Variants in EIF4G3 observed in about 807,000 individuals in gnomAD.
EIF4G3 encodes the protein eukaryotic translation initiation factor 4 gamma 3.
EIF4G3 carries 34 observed loss-of-function variants against 186.4 expected under a neutral mutation model. The observed-to-expected ratio is 0.18, with a 90% CI of 0.14 to 0.24. The LOEUF (loss-of-function observed/expected upper bound fraction) is 0.24. Ranked by LOEUF, EIF4G3 falls within the 10% of genes least tolerant of loss-of-function variation. EIF4G3 has a pLI of 1.00. For missense variants in EIF4G3, 1,536 were observed against 1,948.5 expected, an observed-to-expected ratio of 0.79 and a Z score of 3.99; for synonymous variants, 673 against 679.5, an observed-to-expected ratio of 0.99 and a Z score of 0.15.
At chr1:20,857,660 C>T (rs527759533) in intron 24 of EIF4G3, among the ~76,000 whole-genome samples, 163 bp from the exon 25 acceptor site, 3 of 152,002 alleles carry the variant, frequency 2.0e-5, no homozygotes, top group Non-Finnish European at 4.4e-5. Flanking sequence ...TAAGCAGAAG[C>T]ACCCTGTATC....
At chr1:20,848,371 GA>G (rs895653734) in intron 29 of EIF4G3, among the ~76,000 whole-genome samples, 5 of 152,206 alleles carry the variant, frequency 3.3e-5, no homozygotes, top group African/African-American at 1.2e-4. Flanking sequence ...TGTTTTAACA[GA>G]TTAGCCTTTC....
At chr1:21,094,192 T>C (rs1452437732) in intron 2 of EIF4G3, among the ~76,000 whole-genome samples, 1 of 151,978 alleles carries the variant, frequency 6.6e-6, no homozygotes, top group African/African-American at 2.4e-5. Context: ...AGTTCAACCA[T>C]TGTGGAAGAC....
chr1:21,155,053 A>G (rs866043757), intron 2 of EIF4G3, among the ~76,000 whole-genome samples: 1 of 152,096 alleles, frequency 6.6e-6, no homozygotes, highest in Non-Finnish European at 1.5e-5. Flanking sequence ...ACTTGAGGTC[A>G]GGAGTTCAAG....
chr1:20,927,453 T>C (rs2094989588), intron 14 of EIF4G3, among the ~76,000 whole-genome samples: 1 of 152,228 alleles, frequency 6.6e-6, no homozygotes, highest in African/African-American at 2.4e-5. Flanking sequence ...AGCAATATTT[T>C]CTCTGAAAGA....
intron 7 of EIF4G3, among the ~76,000 whole-genome samples, chr1:20,984,592 A>T (rs1197120436): frequency 3.2e-4 from 38 of 118,172 alleles, no homozygotes; most frequent in African/African-American, 4.7e-4. Flanking sequence ...ACATATATAC[A>T]CTTTTTTTTT....
At chr1:20,938,988 T>C (rs1308982791) in intron 14 of EIF4G3, among the ~76,000 whole-genome samples, 1 of 151,780 alleles carries the variant, frequency 6.6e-6, no homozygotes, top group African/African-American at 2.4e-5. Context: ...ACGCCTATAA[T>C]CCCAGCTACT....
At chr1:21,175,179 T>C (rs764715097) in intron 2 of EIF4G3, 8 of 152,190 alleles carry the variant, frequency 5.3e-5, no homozygotes, top group South Asian at 2.1e-4. Context: ...AGGTGATGCA[T>C]GATGAAATGT....
intron 2 of EIF4G3, among the ~76,000 whole-genome samples, chr1:21,125,582 G>C (rs2097016903): frequency 6.6e-6 from 1 of 151,956 alleles, no homozygotes; most frequent in Admixed American, 6.6e-5. Flanking sequence ...AGCCAGGCAT[G>C]GTGGCGGGTG....
chr1:21,049,305 G>A (rs768809925), intron 4 of EIF4G3, among the ~76,000 whole-genome samples: 5 of 152,174 alleles, frequency 3.3e-5, no homozygotes, highest in Non-Finnish European at 5.9e-5. Flanking sequence ...CTCCCTATCT[G>A]AGCCTCTACT....
At chr1:20,961,413 C>T (rs544026243) in intron 12 of EIF4G3, among the ~76,000 whole-genome samples, 7 of 152,134 alleles carry the variant, frequency 4.6e-5, no homozygotes, top group East Asian at 3.9e-4. Context: ...TTTATTACTG[C>T]GTAACAGATG....
chr1:20,876,305 GAGAGAGAT>G (rs1052454027), intron 20 of EIF4G3, among the ~76,000 whole-genome samples: 2 of 149,362 alleles, frequency 1.3e-5, no homozygotes, highest in African/African-American at 4.9e-5. Context: ...ACATATGAGA[GAGAGAGAT>G]AGAGAGAGAA....
chr1:21,019,643 G>A (rs1346922257), intron 4 of EIF4G3, among the ~76,000 whole-genome samples: 1 of 152,204 alleles, frequency 6.6e-6, no homozygotes. Context: ...AACATGCCAT[G>A]GGAGGCCAAG....
Position 20,981,188 on chromosome 1 carries a change from T to C in EIF4G3, c.238A>G (p.Ile80Val). 1 of 1,612,952 alleles carries C rather than the reference T, an allele frequency of 6.2e-7. No individual in the cohort carries two copies. The highest frequency in any genetic ancestry group is 8.5e-7 in the Non-Finnish European group (1 of 1,179,664). Reference protein sequence around the residue: ...RPQIQPPRATIPNSSPSIRPG... With the variant: ...RPQIQPPRATVPNSSPSIRPG... ...CGAATGGAAGGACTGCTGTTCGGGA[T>C]GGTAGCTCTAGGAGGCTGTATTTGA... is the stretch of plus-strand genomic sequence containing the variant. Residue 80 changes from isoleucine (I) to valine (V), a missense_variant, in exon 9 of 37, where the codon ATC becomes GTC. Transcript: ENST00000602326.
chr1:21,144,112 G>A (rs2097393288), intron 2 of EIF4G3, among the ~76,000 whole-genome samples: 1 of 152,056 alleles, frequency 6.6e-6, no homozygotes, highest in Admixed American at 6.6e-5. Context: ...TTTTTTTGGT[G>A]CAAGCAATGT....
chr1:21,080,318 CA>C (rs551685633), intron 3 of EIF4G3, among the ~76,000 whole-genome samples: 9 of 136,062 alleles, frequency 6.6e-5, no homozygotes, highest in South Asian at 2.3e-4. Context: ...ACTGTCTCAA[CA>C]AAAAAAAAAG....
chr1:20,890,904 A>C (rs904573647), intron 18 of EIF4G3, among the ~76,000 whole-genome samples: 1 of 152,244 alleles, frequency 6.6e-6, no homozygotes. Flanking sequence ...TTAAGGCTTA[A>C]CATATCAACA....
At chr1:21,148,802 A>G (rs1036730932) in intron 2 of EIF4G3, among the ~76,000 whole-genome samples, 1 of 151,952 alleles carries the variant, frequency 6.6e-6, no homozygotes, top group Non-Finnish European at 1.5e-5. Flanking sequence ...AGCCTAGGAA[A>G]CACAGCAAGA....
At chr1:21,007,852 G>A (rs2085728599) in intron 4 of EIF4G3, among the ~76,000 whole-genome samples, 1 of 152,110 alleles carries the variant, frequency 6.6e-6, no homozygotes, top group Admixed American at 6.5e-5. Context: ...GTTATAAAGA[G>A]TGTACAGGAT....
intron 14 of EIF4G3, among the ~76,000 whole-genome samples, chr1:20,919,286 G>A (rs2094258886): frequency 6.6e-6 from 1 of 152,158 alleles, no homozygotes; most frequent in Admixed American, 6.5e-5. Flanking sequence ...ACGGCAGACT[G>A]CAGCTTCAAC....
Sources: gnomAD v4.1 joint callset for allele counts (sites outside exome capture counted in the v4.1 genomes callset) on GRCh38, gnomAD v4.1.1 for gene constraint, MANE v1.5 for transcripts, NCBI Gene and HGNC (gene_info 2026-07-23, HGNC 2026-07-21) for gene names.